The following AFF2 variants were observed in gnomAD, a reference collection of about 807,000 sequenced individuals.
AFF2 encodes ALF transcription elongation factor 2.
A neutral mutation model predicts 76.9 loss-of-function variants in AFF2; 14 were observed. The observed-to-expected ratio is 0.18, with a 90% CI of 0.12 to 0.28. The LOEUF is 0.28. Among genes scored for constraint, AFF2 ranks in the 10% least tolerant of loss-of-function variants. AFF2 has a pLI of 1.00. For missense variants in AFF2, 868 were observed against 1,001.1 expected (o/e 0.87, Z 1.79); for synonymous variants, 398 against 366.7 (o/e 1.09, Z -0.98).
intron 3 of AFF2, among the ~76,000 whole-genome samples, chrX:148,778,420 A>G (rs1442179340): frequency 9.0e-6 from 1 of 111,442 alleles, no homozygotes; most frequent in Non-Finnish European, 1.9e-5. Flanking sequence ...TGATTTCAGA[A>G]GGAATGGTAC....
At chrX:148,942,057 C>T (rs782086176) in intron 9 of AFF2, among the ~76,000 whole-genome samples, 17 of 110,043 alleles carry the variant, frequency 1.5e-4, no homozygotes, top group African/African-American at 5.6e-4. Flanking sequence ...TGCAGGTTAG[C>T]ACAACGAAAT....
intron 3 of AFF2, among the ~76,000 whole-genome samples, chrX:148,672,830 T>C (rs1197830157): frequency 2.7e-5 from 3 of 111,729 alleles, no homozygotes; most frequent in African/African-American, 9.8e-5. Flanking sequence ...GGGATGACTT[T>C]ATCAGAAATC....
At chrX:148,630,117 G>A (rs2053965481) in intron 1 of AFF2, among the ~76,000 whole-genome samples, 1 of 111,494 alleles carries the variant, frequency 9.0e-6, no homozygotes, top group Non-Finnish European at 1.9e-5. Flanking sequence ...TGCCCCCTGT[G>A]TGGGGTCTTA....
At chrX:148,542,514 A>G (rs2052870312) in intron 1 of AFF2, among the ~76,000 whole-genome samples, 1 of 111,543 alleles carries the variant, frequency 9.0e-6, no homozygotes, top group Non-Finnish European at 1.9e-5. Context: ...CAAGGTCCAA[A>G]TGGGTAAAGG....
At chrX:148,979,017 C>T (rs782202965) in intron 18 of AFF2, among the ~76,000 whole-genome samples, 1 of 111,674 alleles carries the variant, frequency 9.0e-6, no homozygotes, top group South Asian at 3.8e-4. Flanking sequence ...AAAATATAGG[C>T]AATCTCAAAA....
rs1182132245 is a variant in AFF2 at position 148,761,919 on chromosome X, A to G, written c.1042-47957A>G. On this transcript the variant is annotated intron_variant, in intron 3 of 20. Coordinates refer to ENST00000370460, the MANE Select transcript of AFF2 (RefSeq NM_002025.4). ...TTCTCTGCCAATAATGAACCTCACT[A>G]TATATATGTGCATGTATATGTGTGT... Among the ~76,000 whole-genome samples, 5 of 109,782 alleles carry G rather than the reference A, an allele frequency of 4.6e-5. No individual in the cohort carries two copies. The East Asian group carries it at 1.4e-3, about 31-fold the overall frequency.
chrX:148,590,568 C>T (rs2053513828), intron 1 of AFF2, among the ~76,000 whole-genome samples: 2 of 111,853 alleles, frequency 1.8e-5, no homozygotes, highest in African/African-American at 6.5e-5. Context: ...GTGACAAACC[C>T]CAATGTTGCC....
chrX:148,860,815 C>T (rs1468427167), intron 7 of AFF2, among the ~76,000 whole-genome samples: 1 of 111,297 alleles, frequency 9.0e-6, no homozygotes, highest in Non-Finnish European at 1.9e-5. Flanking sequence ...ATAGCAGCCC[C>T]TAAAATATAT....
chrX:148,512,278 G>A (rs2052490170), intron 1 of AFF2, among the ~76,000 whole-genome samples: 1 of 112,312 alleles, frequency 8.9e-6, no homozygotes, highest in African/African-American at 3.2e-5. Flanking sequence ...AACTTCAACA[G>A]TGCAAATATA....
chrX:148,730,312 T>C (rs1569554452), intron 3 of AFF2, among the ~76,000 whole-genome samples: 1 of 112,279 alleles, frequency 8.9e-6, no homozygotes, highest in Non-Finnish European at 1.9e-5. Flanking sequence ...CACCAAAGAT[T>C]TCCTAGATGA....
chrX:148,653,927 G>C (rs924251205), intron 2 of AFF2, among the ~76,000 whole-genome samples: 1 of 111,519 alleles, frequency 9.0e-6, no homozygotes, highest in African/African-American at 3.3e-5. Context: ...TATCAGGAGA[G>C]AGCTATCCAG....
chrX:148,544,904 G>C (rs1188352389), intron 1 of AFF2, among the ~76,000 whole-genome samples: 1 of 111,996 alleles, frequency 8.9e-6, no homozygotes, highest in African/African-American at 3.2e-5. Flanking sequence ...AGCATCCATT[G>C]ATGAAAGTTG....
chrX:148,906,315 G>A (rs1218956754), intron 9 of AFF2, among the ~76,000 whole-genome samples: 1 of 112,075 alleles, frequency 8.9e-6, no homozygotes, highest in African/African-American at 3.2e-5. Flanking sequence ...TATGCCCCCA[G>A]TTCAGCAGGA....
intron 3 of AFF2, among the ~76,000 whole-genome samples, chrX:148,791,876 C>T (rs1269739647): frequency 9.0e-6 from 1 of 111,204 alleles, no homozygotes; most frequent in African/African-American, 3.3e-5. Flanking sequence ...TTGGGCTCAT[C>T]GAACTGCAAC....
intron 1 of AFF2, among the ~76,000 whole-genome samples, chrX:148,630,799 C>T (rs2053972135): frequency 8.9e-6 from 1 of 112,078 alleles, no homozygotes; most frequent in Non-Finnish European, 1.9e-5. Flanking sequence ...GACTGTTCAT[C>T]AAATCTCTGG....
At chrX:148,879,331 G>A (rs781891655) in intron 7 of AFF2, among the ~76,000 whole-genome samples, 1 of 111,585 alleles carries the variant, frequency 9.0e-6, no homozygotes, top group East Asian at 2.8e-4. Context: ...TAAATCCTAT[G>A]CAATATCCAT....
chrX:148,654,416 A>G (rs2054231270), intron 2 of AFF2, among the ~76,000 whole-genome samples: 1 of 111,629 alleles, frequency 9.0e-6, no homozygotes, highest in South Asian at 3.8e-4. Flanking sequence ...GAGACAGTCA[A>G]TGTAGATATG....
At chrX:148,580,469 T>C (rs1557244215) in intron 1 of AFF2, among the ~76,000 whole-genome samples, 1 of 111,421 alleles carries the variant, frequency 9.0e-6, no homozygotes, top group Non-Finnish European at 1.9e-5. Context: ...CTAAGCTGTT[T>C]TGAAGCATCA....
chrX:148,680,529 A>C (rs2054535679), intron 3 of AFF2, among the ~76,000 whole-genome samples: 1 of 111,259 alleles, frequency 9.0e-6, no homozygotes, highest in South Asian at 3.8e-4. Context: ...GGTAACAACC[A>C]GTCACTAAAT....
Sources: gnomAD v4.1 joint callset for allele counts (sites outside exome capture counted in the v4.1 genomes callset) on GRCh38, gnomAD v4.1.1 for gene constraint, MANE v1.5 for transcripts, NCBI Gene and HGNC (gene_info 2026-07-23, HGNC 2026-07-21) for gene names.